Variants in TMED3 observed in about 807,000 individuals in gnomAD.
The protein encoded by TMED3 is transmembrane p24 trafficking protein 3.
In TMED3, 9 loss-of-function variants were observed where a neutral mutation model predicts 15.0. The observed-to-expected ratio is 0.60, with a 90% CI of 0.36 to 1.04. The LOEUF (loss-of-function observed/expected upper bound fraction) is 1.04. Ranked by LOEUF, TMED3 falls within the 50% of genes least tolerant of loss-of-function variation. The probability of loss-of-function intolerance (pLI) is 0.01; values close to 1 mark genes in which losing one functional copy is unlikely to be tolerated. For missense variants in TMED3, 267 were observed against 278.9 expected (o/e 0.96, Z 0.30); for synonymous variants, 117 against 121.4 (o/e 0.96, Z 0.24).
intron 2 of TMED3, among the ~76,000 whole-genome samples, chr15:79,375,542 TG>T (rs1268084149): frequency 1.3e-5 from 2 of 152,118 alleles, no homozygotes; most frequent in African/African-American, 4.8e-5. Flanking sequence ...TATCCACTTC[TG>T]GGGAGGCCTC....
Position 79,322,317 on chromosome 15 carries a change from C to G in TMED3, c.*103C>G. ...CGCGTAGCCCAGGGTGGAGGCAGAA[C>G]GATGCTGCTGTGGTAGCCCTTTGCC... is the stretch of plus-strand genomic sequence containing the variant. On this transcript the variant is annotated 3_prime_UTR_variant, in exon 3 of 3. Coordinates refer to ENST00000299705, the MANE Select transcript of TMED3 (RefSeq NM_007364.4). 6.6e-7 allele frequency: 1 copy of G among 1,515,578 alleles called. No individual in the cohort carries two copies. Among genetic ancestry groups the G allele is most frequent in the South Asian group, 1.3e-5 (1 of 75,028 alleles). 93.9% of individuals were successfully genotyped at this position (1,515,578 alleles called of 1,614,324 possible).
chr15:79,396,930 T>C (rs964239392), intron 2 of TMED3, among the ~76,000 whole-genome samples: 6 of 152,266 alleles, frequency 3.9e-5, no homozygotes, highest in Non-Finnish European at 5.9e-5. Flanking sequence ...CTTTTTACTC[T>C]TTCTATGCAG....
chr15:79,315,863 C>T (rs1186557859), intron 2 of TMED3: 1 of 152,252 alleles, frequency 6.6e-6, no homozygotes, highest in Non-Finnish European at 1.5e-5. Context: ...GGGCACCCTG[C>T]AAGGAGCGCA....
chr15:79,400,207 T>C (rs1893815988), intron 2 of TMED3, among the ~76,000 whole-genome samples: 1 of 152,214 alleles, frequency 6.6e-6, no homozygotes, highest in South Asian at 2.1e-4. Context: ...TGGTCCCTCC[T>C]AATGTTTTAG....
chr15:79,369,923 C>T (rs1893305074), intron 2 of TMED3, among the ~76,000 whole-genome samples: 1 of 152,170 alleles, frequency 6.6e-6, no homozygotes, highest in Admixed American at 6.5e-5. Context: ...CCTGCTAGGG[C>T]AGCTTCCTGG....
intron 2 of TMED3, among the ~76,000 whole-genome samples, chr15:79,375,977 A>AGAG (rs1200058391): frequency 5.9e-5 from 9 of 151,954 alleles, no homozygotes; most frequent in Non-Finnish European, 1.3e-4. Flanking sequence ...ACATAGGGTT[A>AGAG]GAGTTGGGAT....
At chr15:79,399,905 C>A (rs114553728) in intron 2 of TMED3, among the ~76,000 whole-genome samples, 3 of 152,302 alleles carry the variant, frequency 2.0e-5, no homozygotes, top group Non-Finnish European at 4.4e-5. Flanking sequence ...TCTTCCTCTC[C>A]GTGAGGTCCA....
intron 2 of TMED3, among the ~76,000 whole-genome samples, chr15:79,347,397 C>T (rs1247173803): frequency 6.6e-6 from 1 of 152,022 alleles, no homozygotes; most frequent in African/African-American, 2.4e-5. Context: ...TAATAAGAGC[C>T]ATCTATGACA....
At chr15:79,364,390 G>A (rs1380858493) in intron 2 of TMED3, among the ~76,000 whole-genome samples, 1 of 152,010 alleles carries the variant, frequency 6.6e-6, no homozygotes, top group African/African-American at 2.4e-5. Context: ...TTTCTTTACT[G>A]TCTGCCTAAA....
intron 2 of TMED3, among the ~76,000 whole-genome samples, chr15:79,379,967 A>C (rs538016024): frequency 6.6e-6 from 1 of 152,232 alleles, no homozygotes; most frequent in Non-Finnish European, 1.5e-5. Flanking sequence ...GAAAGATCAC[A>C]AAAGGTTTTT....
At chr15:79,380,051 A>G (rs1204321210) in intron 2 of TMED3, among the ~76,000 whole-genome samples, 1 of 152,214 alleles carries the variant, frequency 6.6e-6, no homozygotes, top group Non-Finnish European at 1.5e-5. Context: ...GCTTAAAAGT[A>G]TCAGCATCAC....
At chr15:79,338,274 A>G (rs1384512554) in intron 2 of TMED3, among the ~76,000 whole-genome samples, 1 of 152,236 alleles carries the variant, frequency 6.6e-6, no homozygotes, top group Non-Finnish European at 1.5e-5. Flanking sequence ...AATCTGAAGA[A>G]TGTATAACAA....
At chr15:79,346,752 C>T (rs1006136595) in intron 2 of TMED3, among the ~76,000 whole-genome samples, 6 of 152,114 alleles carry the variant, frequency 3.9e-5, no homozygotes, top group African/African-American at 1.4e-4. Flanking sequence ...CGAATTCTCC[C>T]AGCACCATTT....
chr15:79,387,587 T>C (rs1893642061), intron 2 of TMED3, among the ~76,000 whole-genome samples: 1 of 132,122 alleles, frequency 7.6e-6, no homozygotes, highest in African/African-American at 2.6e-5. Flanking sequence ...CACACACACA[T>C]GCACCTGCAC....
At chr15:79,367,708 A>T (rs1049164793) in intron 2 of TMED3, among the ~76,000 whole-genome samples, 6 of 152,320 alleles carry the variant, frequency 3.9e-5, no homozygotes, top group Non-Finnish European at 5.9e-5. Context: ...CAGGTACAGG[A>T]TTTTTAAAGG....
chr15:79,386,595 A>AGT (rs2141251814), intron 2 of TMED3, among the ~76,000 whole-genome samples: 1 of 152,158 alleles, frequency 6.6e-6, no homozygotes, highest in African/African-American at 2.4e-5. Flanking sequence ...GCTGGAGTGC[A>AGT]GTGGTGCGAT....
chr15:79,324,874 G>A (rs2141220053), downstream of TMED3, among the ~76,000 whole-genome samples: 1 of 152,312 alleles, frequency 6.6e-6, no homozygotes, highest in East Asian at 1.9e-4. Context: ...TGTGCTACTT[G>A]TGCCATCTTG....
intron 2 of TMED3, among the ~76,000 whole-genome samples, chr15:79,334,560 G>C (rs2058820740): frequency 6.6e-6 from 1 of 152,198 alleles, no homozygotes; most frequent in Non-Finnish European, 1.5e-5. Flanking sequence ...TGATGAGAAA[G>C]GATGTGGAGA....
chr15:79,340,497 T>A (rs1015733175), intron 2 of TMED3, among the ~76,000 whole-genome samples: 1 of 152,188 alleles, frequency 6.6e-6, no homozygotes, highest in Non-Finnish European at 1.5e-5. Context: ...TCCTGATCCA[T>A]TGAGATGGTG....
Sources: gnomAD v4.1 joint callset for allele counts (sites outside exome capture counted in the v4.1 genomes callset) on GRCh38, gnomAD v4.1.1 for gene constraint, MANE v1.5 for transcripts, NCBI Gene and HGNC (gene_info 2026-07-23, HGNC 2026-07-21) for gene names.